PACS1: variants seen among roughly 807,000 people sequenced by gnomAD.
PACS1 encodes phosphofurin acidic cluster sorting protein 1.
In PACS1, 24 loss-of-function variants were observed where a neutral mutation model predicts 115.0. That is an observed-to-expected ratio of 0.21 (90% CI 0.15 to 0.29). The LOEUF is 0.29. Among genes scored for constraint, PACS1 ranks in the 10% least tolerant of loss-of-function variants. The pLI is 1.00. For missense variants in PACS1, 838 were observed against 1,251.2 expected (o/e 0.67, Z 4.98); for synonymous variants, 453 against 504.5 (o/e 0.90, Z 1.37).
intron 7 of PACS1, chr11:66,217,868 C>T: frequency 3.6e-6 from 1 of 275,002 alleles, no homozygotes; most frequent in Non-Finnish European, 7.2e-6. Context: ...AGAAAGCGGC[C>T]CTATTTTCTT....
At position 66,239,683 on chromosome 11, in the gene PACS1, C is replaced by G. The variant is rs562774875; in HGVS notation, c.2429+406C>G. ...GCAAGTGTCTTGTTATGGGACCTCC[C>G]AGGTGTTGTTATGGGACCTCCCAGG... On this transcript the variant is annotated intron_variant, in intron 21 of 23. Coordinates refer to ENST00000320580, the MANE Select transcript of PACS1 (RefSeq NM_018026.4). 3.3e-5 allele frequency among the ~76,000 whole-genome samples: 5 copies of G among 152,294 alleles called. No homozygotes were observed. The East Asian group carries it at 9.6e-4, about 29-fold the overall frequency.
intron 1 of PACS1, among the ~76,000 whole-genome samples, chr11:66,174,392 T>A (rs1286392459): frequency 6.6e-6 from 1 of 152,092 alleles, no homozygotes; most frequent in Non-Finnish European, 1.5e-5. Context: ...AACATAAATT[T>A]ACCATATGAC....
intron 1 of PACS1, among the ~76,000 whole-genome samples, chr11:66,188,391 A>G (rs1854436731): frequency 6.6e-6 from 1 of 151,996 alleles, no homozygotes; most frequent in Non-Finnish European, 1.5e-5. Flanking sequence ...AGACACACAC[A>G]AACACACACA....
chr11:66,144,361 T>C (rs1317884407), intron 1 of PACS1, among the ~76,000 whole-genome samples: 1 of 152,204 alleles, frequency 6.6e-6, no homozygotes, highest in Non-Finnish European at 1.5e-5. Context: ...AAACAAAGTT[T>C]TTTAGAGAAG....
At chr11:66,126,638 A>G (rs909232161) in intron 1 of PACS1, among the ~76,000 whole-genome samples, 1 of 134,168 alleles carries the variant, frequency 7.5e-6, no homozygotes, top group Non-Finnish European at 1.6e-5. Flanking sequence ...TTTTGACACC[A>G]TTGGGAATTT....
At chr11:66,189,094 A>G (rs1240758222) in intron 1 of PACS1, among the ~76,000 whole-genome samples, 1 of 152,208 alleles carries the variant, frequency 6.6e-6, no homozygotes, top group African/African-American at 2.4e-5. Context: ...CTTAAAAGAG[A>G]TAATGAAATG....
At chr11:66,085,765 T>C (rs1304082365) in intron 1 of PACS1, among the ~76,000 whole-genome samples, 5 of 152,178 alleles carry the variant, frequency 3.3e-5, no homozygotes, top group Non-Finnish European at 1.5e-5. Context: ...GTCTACAAAG[T>C]CTTAACTGTA....
At chr11:66,072,724 A>G (rs150186933) in intron 1 of PACS1, among the ~76,000 whole-genome samples, 3 of 152,286 alleles carry the variant, frequency 2.0e-5, no homozygotes, top group African/African-American at 7.2e-5. Flanking sequence ...TCTTTCACAC[A>G]TAGAAACACT....
At chr11:66,085,335 A>G (rs891848216) in intron 1 of PACS1, among the ~76,000 whole-genome samples, 28 of 152,160 alleles carry the variant, frequency 1.8e-4, no homozygotes, top group African/African-American at 6.8e-4. Context: ...CTATTTTTGA[A>G]AGAGAACAGA....
chr11:66,120,306 A>G lies in PACS1; in HGVS notation c.356+49464A>G, dbSNP rs147868665. Among the ~76,000 whole-genome samples, 637 of 152,162 alleles carry G rather than the reference A, an allele frequency of 4.2e-3. 4 individuals carry two copies. The highest frequency in any genetic ancestry group is 0.014 in the African/African-American group (577 of 41,518). On this transcript the variant is annotated intron_variant, in intron 1 of 23. Coordinates refer to ENST00000320580, the MANE Select transcript of PACS1 (RefSeq NM_018026.4). ...AGATGGGGTTTCACCATTATTGGCC[A>G]GGCTGTTCTTGAACTCCTGACCTCA... is the stretch of plus-strand genomic sequence containing the variant.
intron 21 of PACS1, chr11:66,241,104 GTA>G (rs1244803187): frequency 3.2e-5 from 9 of 280,316 alleles, no homozygotes; most frequent in Middle Eastern, 1.1e-3. Context: ...TTATATGTGT[GTA>G]TATGTGTGTG....
chr11:66,219,138 A>G (rs1055663889), intron 7 of PACS1, among the ~76,000 whole-genome samples: 2 of 152,030 alleles, frequency 1.3e-5, no homozygotes, highest in Non-Finnish European at 2.9e-5. Flanking sequence ...GCAGGTGGGC[A>G]GGGTATGAGA....
intron 1 of PACS1, among the ~76,000 whole-genome samples, chr11:66,175,973 G>A (rs1436960529): frequency 6.6e-6 from 1 of 152,156 alleles, no homozygotes; most frequent in Non-Finnish European, 1.5e-5. Flanking sequence ...GACAGTTACA[G>A]TAACTTCCTA....
intron 1 of PACS1, among the ~76,000 whole-genome samples, chr11:66,168,339 TG>T (rs1469347287): frequency 1.3e-5 from 2 of 150,766 alleles, no homozygotes; most frequent in Non-Finnish European, 2.9e-5. Context: ...TGCATGAACA[TG>T]GCATCTCTTT....
At chr11:66,074,171 C>T (rs1221782695) in intron 1 of PACS1, among the ~76,000 whole-genome samples, 2 of 152,056 alleles carry the variant, frequency 1.3e-5, no homozygotes, top group Non-Finnish European at 2.9e-5. Context: ...CAGTCCATCC[C>T]TCTTCTCACT....
chr11:66,110,862 C>G (rs938670279), intron 1 of PACS1, among the ~76,000 whole-genome samples: 1 of 152,222 alleles, frequency 6.6e-6, no homozygotes, highest in African/African-American at 2.4e-5. Context: ...AGCCGTAGCA[C>G]CCAGCCAACA....
At chr11:66,130,774 C>T (rs1858682407) in intron 1 of PACS1, among the ~76,000 whole-genome samples, 1 of 152,080 alleles carries the variant, frequency 6.6e-6, no homozygotes, top group African/African-American at 2.4e-5. Flanking sequence ...CTCCCTGTAC[C>T]ACAAACAATG....
intron 1 of PACS1, among the ~76,000 whole-genome samples, chr11:66,088,446 G>A (rs1857607995): frequency 6.6e-6 from 1 of 152,140 alleles, no homozygotes; most frequent in African/African-American, 2.4e-5. Context: ...TGTGAGGTAT[G>A]GATTAAGACA....
At chr11:66,094,856 G>C (rs2134518318) in intron 1 of PACS1, among the ~76,000 whole-genome samples, 1 of 152,206 alleles carries the variant, frequency 6.6e-6, no homozygotes, top group African/African-American at 2.4e-5. Flanking sequence ...CCATGATCAA[G>C]TGGGCTTCAT....
Sources: allele counts gnomAD v4.1 joint callset (sites outside exome capture counted in the v4.1 genomes callset), GRCh38; gene constraint gnomAD v4.1.1; transcripts MANE v1.5; gene names NCBI Gene and HGNC (gene_info 2026-07-23, HGNC 2026-07-21).